The following RALGAPA2 variants were observed in gnomAD, a reference collection of about 807,000 sequenced individuals.
The protein encoded by RALGAPA2 is ral GTPase-activating protein subunit alpha-2.
A neutral mutation model predicts 230.4 loss-of-function variants in RALGAPA2; 139 were observed. The observed-to-expected ratio is 0.60, with a 90% CI of 0.53 to 0.69. RALGAPA2 has a LOEUF of 0.69. Ranked by LOEUF, RALGAPA2 falls within the 30% of genes least tolerant of loss-of-function variation. The probability of loss-of-function intolerance (pLI) is 0.00; values close to 1 mark genes in which losing one functional copy is unlikely to be tolerated. For missense variants in RALGAPA2, 2,163 were observed against 2,276.0 expected, an observed-to-expected ratio of 0.95 and a Z score of 1.01; for synonymous variants, 847 against 837.8, an observed-to-expected ratio of 1.01 and a Z score of -0.19.
chr20:20,465,149 T>TCTCACACACACACACACA (rs1556066770), intron 37 of RALGAPA2, among the ~76,000 whole-genome samples: 1 of 109,236 alleles, frequency 9.2e-6, no homozygotes, highest in African/African-American at 3.5e-5. Context: ...CCGCAGGCCT[T>TCTCACACACACACACACA]CACACACACA....
chr20:20,464,329 T>G (rs567209950), intron 37 of RALGAPA2, among the ~76,000 whole-genome samples: 1 of 152,236 alleles, frequency 6.6e-6, no homozygotes, highest in African/African-American at 2.4e-5. Context: ...GAGCTTCCTT[T>G]AGGCATTACA....
Position 20,546,846 on chromosome 20 carries a change from T to A in RALGAPA2, c.3157-14A>T, listed in dbSNP as rs752874502. 2 of 1,563,170 alleles carry A rather than the reference T, an allele frequency of 1.3e-6. No homozygotes were observed. Among genetic ancestry groups the A allele is most frequent in the African/African-American group, 1.4e-5 (1 of 72,374 alleles). ...ATTTAAGATATCCTAAAAGGGAAGA[T>A]AAGAAAAAACACAATCGTAATGTTC... On this transcript the variant is annotated splice_polypyrimidine_tract_variant and intron_variant, in intron 23 of 39. Transcript: ENST00000202677.
intron 38 of RALGAPA2, among the ~76,000 whole-genome samples, chr20:20,405,294 AT>A (rs950937959): frequency 1.3e-5 from 2 of 152,224 alleles, no homozygotes; most frequent in Admixed American, 6.5e-5. Context: ...ATAAATAGCC[AT>A]TTTTTTTGTG....
intron 14 of RALGAPA2, among the ~76,000 whole-genome samples, chr20:20,605,981 A>G (rs1220017610): frequency 6.6e-6 from 1 of 151,406 alleles, no homozygotes; most frequent in Non-Finnish European, 1.5e-5. Flanking sequence ...TACACTCTGG[A>G]CCCCTTCCTC....
At chr20:20,590,389 T>C (rs182541159) in intron 17 of RALGAPA2, among the ~76,000 whole-genome samples, 1 of 152,322 alleles carries the variant, frequency 6.6e-6, no homozygotes, top group East Asian at 1.9e-4. Flanking sequence ...CTGTATTTTC[T>C]TATTTCCAGA....
chr20:20,495,289 T>C lies in RALGAPA2; in HGVS notation c.5209-14A>G, dbSNP rs376023910. 1.6e-5 allele frequency: 24 copies of C among 1,509,388 alleles called. No individual in the cohort carries two copies. The highest frequency in any genetic ancestry group is 1.2e-4 in the African/African-American group (9 of 73,148). 93.5% of individuals were successfully genotyped at this position (1,509,388 alleles called of 1,614,324 possible). A position where few individuals can be genotyped will look rare whatever the true frequency, so the allele number is the denominator to read the frequency against. ...CAAGTGACGAAGCTGCAACAGCAAA[T>C]TGACTGTTTATTAATCAGGGTGATA... is the stretch of plus-strand genomic sequence containing the variant. On this transcript the variant is annotated splice_polypyrimidine_tract_variant and intron_variant, in intron 35 of 39. Coordinates refer to ENST00000202677, the MANE Select transcript of RALGAPA2 (RefSeq NM_020343.4).
At chr20:20,581,509 T>C (rs2064982659) in intron 20 of RALGAPA2, among the ~76,000 whole-genome samples, 1 of 152,134 alleles carries the variant, frequency 6.6e-6, no homozygotes, top group Admixed American at 6.6e-5. Flanking sequence ...GCCAGTTTCA[T>C]CTCTGGAACT....
intron 18 of RALGAPA2, among the ~76,000 whole-genome samples, chr20:20,589,063 ATT>A (rs1244154902): frequency 1.3e-5 from 2 of 152,102 alleles, no homozygotes; most frequent in African/African-American, 4.8e-5. Context: ...TTTCATGTTA[ATT>A]TTTTTCCTAT....
intron 5 of RALGAPA2, 31 bp downstream of exon 5, chr20:20,643,474 TA>T (rs1278177160): frequency 2.1e-6 from 3 of 1,453,058 alleles, no homozygotes; most frequent in South Asian, 2.6e-5. Flanking sequence ...TTAAGAGTAA[TA>T]AAAAATGTCA....
chr20:20,585,825 G>A (rs1705193631), intron 18 of RALGAPA2, among the ~76,000 whole-genome samples: 1 of 151,948 alleles, frequency 6.6e-6, no homozygotes, highest in Non-Finnish European at 1.5e-5. Context: ...GCTGCCAGTG[G>A]GCCTTGAACC....
intron 7 of RALGAPA2, among the ~76,000 whole-genome samples, chr20:20,637,821 CT>C (rs1470212937): frequency 1.3e-5 from 2 of 152,158 alleles, no homozygotes; most frequent in African/African-American, 4.8e-5. Context: ...TCTAACATTC[CT>C]TGTGCCTTTA....
intron 37 of RALGAPA2, among the ~76,000 whole-genome samples, chr20:20,463,339 G>A (rs1010159436): frequency 4.6e-5 from 7 of 152,264 alleles, no homozygotes; most frequent in African/African-American, 1.2e-4. Context: ...GGTTGAGTAA[G>A]TGATTTGGCA....
chr20:20,560,260 C>T (rs767382591), intron 23 of RALGAPA2, among the ~76,000 whole-genome samples: 1 of 152,196 alleles, frequency 6.6e-6, no homozygotes, highest in African/African-American at 2.4e-5. Context: ...GACTCCAGCA[C>T]ACAGGAAAAT....
At chr20:20,529,942 A>AT (rs2063325753) in intron 27 of RALGAPA2, among the ~76,000 whole-genome samples, 1 of 152,240 alleles carries the variant, frequency 6.6e-6, no homozygotes, top group African/African-American at 2.4e-5. Flanking sequence ...ATACATCTAG[A>AT]TTTAAGAAAA....
intron 37 of RALGAPA2, among the ~76,000 whole-genome samples, chr20:20,420,386 C>T (rs1042581147): frequency 6.6e-6 from 1 of 152,186 alleles, no homozygotes; most frequent in East Asian, 1.9e-4. Flanking sequence ...TCTATACGTT[C>T]AATCAATGGG....
chr20:20,665,181 A>T (rs975463875), intron 3 of RALGAPA2, among the ~76,000 whole-genome samples: 1 of 152,248 alleles, frequency 6.6e-6, no homozygotes, highest in African/African-American at 2.4e-5. Context: ...TGCTATCCTA[A>T]CAATAAATAA....
chr20:20,424,404 T>G (rs1028464777), intron 37 of RALGAPA2, among the ~76,000 whole-genome samples: 1 of 152,190 alleles, frequency 6.6e-6, no homozygotes, highest in Non-Finnish European at 1.5e-5. Context: ...ACAGGCTACT[T>G]CAATGATGAA....
At chr20:20,547,870 C>T (rs2063815732) in intron 23 of RALGAPA2, among the ~76,000 whole-genome samples, 1 of 152,170 alleles carries the variant, frequency 6.6e-6, no homozygotes, top group Admixed American at 6.5e-5. Context: ...ACTACACATC[C>T]AGGATACAAA....
chr20:20,695,968 C>G (rs2069098083), intron 1 of RALGAPA2, among the ~76,000 whole-genome samples: 1 of 151,958 alleles, frequency 6.6e-6, no homozygotes, highest in South Asian at 2.1e-4. Context: ...ACTGACAGAT[C>G]TCCATTTTTT....
Sources: gnomAD v4.1 joint callset for allele counts (sites outside exome capture counted in the v4.1 genomes callset) on GRCh38, gnomAD v4.1.1 for gene constraint, MANE v1.5 for transcripts, NCBI Gene and HGNC (gene_info 2026-07-23, HGNC 2026-07-21) for gene names.